The following SGIP1 variants were observed in gnomAD, a reference collection of about 807,000 sequenced individuals.
SGIP1 encodes SH3GL interacting endocytic adaptor 1, also known as SH3-containing GRB2-like protein 3-interacting protein 1.
Under a neutral mutation model 107.5 loss-of-function variants are expected in SGIP1, and 38 were observed. The observed-to-expected ratio is 0.35, with a 90% CI of 0.27 to 0.46. The LOEUF (loss-of-function observed/expected upper bound fraction) is 0.46. Ranked by LOEUF, SGIP1 falls within the 20% of genes least tolerant of loss-of-function variation. SGIP1 has a pLI of 1.00. For synonymous variants in SGIP1, 365 were observed against 366.1 expected (o/e 1.00, Z 0.03); for missense variants, 929 against 1,019.5 (o/e 0.91, Z 1.21).
chr1:66,703,096 A>G (rs1037185716), intron 18 of SGIP1, among the ~76,000 whole-genome samples: 89 of 152,326 alleles, frequency 5.8e-4, no homozygotes, highest in African/African-American at 2.0e-3. Context: ...GTTAAAGAAT[A>G]TTCACTCATT....
At chr1:66,640,921 C>A (rs1386047057) in intron 5 of SGIP1, among the ~76,000 whole-genome samples, 1 of 151,690 alleles carries the variant, frequency 6.6e-6, no homozygotes, top group African/African-American at 2.4e-5. Flanking sequence ...AAAAAGAAGC[C>A]AAATATGGGA....
At chr1:66,661,687 T>C (rs999297344) in intron 8 of SGIP1, among the ~76,000 whole-genome samples, 3 of 152,192 alleles carry the variant, frequency 2.0e-5, no homozygotes, top group Non-Finnish European at 4.4e-5. Context: ...TTCTTACCCT[T>C]TACCAATTTC....
At chr1:66,625,640 T>A (rs1001255773) in intron 1 of SGIP1, among the ~76,000 whole-genome samples, 12 of 152,354 alleles carry the variant, frequency 7.9e-5, no homozygotes, top group African/African-American at 2.9e-4. Flanking sequence ...TGCTAAGAAC[T>A]TATGGTATGA....
At chr1:66,730,201 T>C (rs1403004232) in intron 20 of SGIP1, among the ~76,000 whole-genome samples, 1 of 152,182 alleles carries the variant, frequency 6.6e-6, no homozygotes, top group Non-Finnish European at 1.5e-5. Flanking sequence ...AATTTCATTG[T>C]AATGATCATT....
At chr1:66,565,953 C>A (rs2059579868) in intron 1 of SGIP1, among the ~76,000 whole-genome samples, 1 of 151,896 alleles carries the variant, frequency 6.6e-6, no homozygotes, top group African/African-American at 2.4e-5. Flanking sequence ...TGTAAGCAGT[C>A]ATCTCATTCT....
intron 18 of SGIP1, among the ~76,000 whole-genome samples, chr1:66,703,624 C>A (rs2092208643): frequency 6.6e-6 from 1 of 150,674 alleles, no homozygotes; most frequent in Non-Finnish European, 1.5e-5. Flanking sequence ...TATTCTATAT[C>A]ATATGTGTGA....
At chr1:66,702,163 A>C (rs1469060864) in intron 18 of SGIP1, among the ~76,000 whole-genome samples, 4 of 152,208 alleles carry the variant, frequency 2.6e-5, no homozygotes, top group Non-Finnish European at 5.9e-5. Flanking sequence ...ACTATTGTTA[A>C]TCACATTTTA....
chr1:66,626,918 T>C (rs898335700), intron 2 of SGIP1, among the ~76,000 whole-genome samples: 1 of 141,004 alleles, frequency 7.1e-6, no homozygotes, highest in African/African-American at 2.9e-5. Flanking sequence ...TTCTCACCTT[T>C]AGCTTTTCAT....
intron 1 of SGIP1, among the ~76,000 whole-genome samples, chr1:66,555,179 C>A (rs895435626): frequency 6.6e-6 from 1 of 152,100 alleles, no homozygotes; most frequent in African/African-American, 2.4e-5. Context: ...TATTCCCAGG[C>A]TCTACCCAAC....
chr1:66,630,073 A>G (rs115435426), intron 2 of SGIP1, among the ~76,000 whole-genome samples: 333 of 152,302 alleles, frequency 2.2e-3, no homozygotes, highest in African/African-American at 7.5e-3. Context: ...CGGTGCCCTT[A>G]GCCACCATGC....
At chr1:66,597,534 C>T (rs542970749) in intron 1 of SGIP1, among the ~76,000 whole-genome samples, 2 of 152,264 alleles carry the variant, frequency 1.3e-5, no homozygotes, top group Admixed American at 1.3e-4. Context: ...AGATGGCAAA[C>T]ATGCAGCAAG....
intron 4 of SGIP1, among the ~76,000 whole-genome samples, chr1:66,637,211 G>A (rs1041718574): frequency 1.3e-5 from 2 of 151,952 alleles, no homozygotes; most frequent in African/African-American, 4.8e-5. Context: ...CTTCTTGAAA[G>A]TTTTCCATTT....
At position 66,748,616 on chromosome 1, in the gene SGIP1, T is replaced by C. The variant is rs2094584608; in HGVS notation, c.*5521T>C. Among the ~76,000 whole-genome samples the C allele has an allele frequency of 6.6e-6, 1 of 152,010 alleles. No homozygotes were observed. Among genetic ancestry groups the C allele is most frequent in the Non-Finnish European group, 1.5e-5 (1 of 67,866 alleles). ...TAACTGCCTCCTTCTATCCCTAGAG[T>C]AATACCTTGCCTACCTTAAATACAT... On this transcript the variant is annotated 3_prime_UTR_variant, in exon 25 of 25. Transcript: ENST00000371037.
At chr1:66,685,128 G>A (rs4655506) in intron 15 of SGIP1, among the ~76,000 whole-genome samples, 90,728 of 152,096 alleles carry the variant, frequency 0.6, 27,963 homozygotes, top group East Asian at 1. Flanking sequence ...AAGATTAGCA[G>A]TGCTTCTCAC....
intron 1 of SGIP1, among the ~76,000 whole-genome samples, chr1:66,564,539 T>C (rs1332592048): frequency 6.6e-6 from 1 of 151,944 alleles, no homozygotes; most frequent in African/African-American, 2.4e-5. Context: ...TTTCATGTGA[T>C]TCTTGAGATA....
chr1:66,540,344 A>G (rs1456031497), intron 1 of SGIP1, among the ~76,000 whole-genome samples: 1 of 152,180 alleles, frequency 6.6e-6, no homozygotes, highest in African/African-American at 2.4e-5. Context: ...TAGCACCACC[A>G]TTCAAAGAAT....
At chr1:66,591,936 A>G (rs558933936) in intron 1 of SGIP1, among the ~76,000 whole-genome samples, 1 of 152,340 alleles carries the variant, frequency 6.6e-6, no homozygotes, top group South Asian at 2.1e-4. Context: ...TTAGTGCAGT[A>G]AAGAGCAGTA....
chr1:66,608,279 G>C (rs939133847), intron 1 of SGIP1, among the ~76,000 whole-genome samples: 10 of 152,198 alleles, frequency 6.6e-5, no homozygotes, highest in African/African-American at 2.4e-4. Flanking sequence ...CTAGCTTACA[G>C]CTAGCTCTTC....
At chr1:66,686,424 GTGTTGC>G (rs2088290983) in intron 15 of SGIP1, among the ~76,000 whole-genome samples, 1 of 152,134 alleles carries the variant, frequency 6.6e-6, no homozygotes, top group Non-Finnish European at 1.5e-5. Flanking sequence ...ATCTTAAACA[GTGTTGC>G]TGTCCAAATC....
Sources: allele counts gnomAD v4.1 joint callset (sites outside exome capture counted in the v4.1 genomes callset), GRCh38; gene constraint gnomAD v4.1.1; transcripts MANE v1.5; gene names NCBI Gene and HGNC (gene_info 2026-07-23, HGNC 2026-07-21).